LRRD1: variants seen among roughly 807,000 people sequenced by gnomAD.
LRRD1 encodes the protein leucine rich repeats and death domain containing 1.
A neutral mutation model predicts 69.5 loss-of-function variants in LRRD1; 49 were observed. The observed-to-expected ratio is 0.70, with a 90% CI of 0.56 to 0.89. The LOEUF (loss-of-function observed/expected upper bound fraction) is 0.89. Among genes scored for constraint, LRRD1 ranks in the 40% least tolerant of loss-of-function variants. LRRD1 has a pLI of 0.00. For synonymous variants in LRRD1, 303 were observed against 338.9 expected, an observed-to-expected ratio of 0.89 and a Z score of 1.16; for missense variants, 853 against 956.0, an observed-to-expected ratio of 0.89 and a Z score of 1.42.
chr7:92,162,916 T>C (rs1788820660), intron 2 of LRRD1, among the ~76,000 whole-genome samples: 1 of 152,152 alleles, frequency 6.6e-6, no homozygotes, highest in Non-Finnish European at 1.5e-5. Flanking sequence ...TATAATACAA[T>C]GATATGCTTG....
At chr7:92,156,579 A>G (rs973258008) in intron 3 of LRRD1, among the ~76,000 whole-genome samples, 6 of 152,230 alleles carry the variant, frequency 3.9e-5, no homozygotes, top group Non-Finnish European at 8.8e-5. Context: ...AAAGAAATCA[A>G]TTTCCAATCA....
Position 92,159,200 on chromosome 7 carries a change from T to C in LRRD1, c.1921A>G (p.Thr641Ala). The change falls in exon 3 of 6, where the codon ACA (threonine) becomes GCA (alanine). Residue 641 changes from threonine to alanine, a missense_variant. Transcript: ENST00000458448. ...TTAGATAGCTCTCCTGGAAGTCTTGTTAGCTGTAACAAAGATTACACAATT... is the reference window on the plus strand; with the variant it reads ...TTAGATAGCTCTCCTGGAAGTCTTGCTAGCTGTAACAAAGATTACACAATT... The part of the protein sequence containing the change: ...NISQIKGRKL[T>A]RLPGELSNMT... The C allele has an allele frequency of 1.3e-6, 2 of 1,488,020 alleles. No individual in the cohort carries two copies. Among genetic ancestry groups the C allele is most frequent in the Non-Finnish European group, 1.8e-6 (2 of 1,120,872 alleles). The allele number at this position is 1,488,020 out of a possible 1,614,324, so 92.2% of individuals were successfully genotyped here. A position where few individuals can be genotyped will look rare whatever the true frequency, so the allele number is the denominator to read the frequency against.
intron 4 of LRRD1, among the ~76,000 whole-genome samples, chr7:92,150,315 A>G (rs1820434233): frequency 6.6e-6 from 1 of 152,126 alleles, no homozygotes; most frequent in Non-Finnish European, 1.5e-5. Flanking sequence ...AGATTAAAAA[A>G]TTAGCCAGGT....
Position 92,160,754 on chromosome 7 carries a change from A to C in LRRD1, c.1918-1551T>G, listed in dbSNP as rs536550470. ...CTTGAACCTGGGAGGCAGAGGTTGCAGTGAGCTGAGATCGCACCACTGTCC... is the reference window on the plus strand; with the variant it reads ...CTTGAACCTGGGAGGCAGAGGTTGCCGTGAGCTGAGATCGCACCACTGTCC... On this transcript the variant is annotated intron_variant, in intron 2 of 5. Coordinates refer to ENST00000458448, the MANE Select transcript of LRRD1 (RefSeq NM_001161528.2). Among the ~76,000 whole-genome samples the C allele has an allele frequency of 2.0e-5, 3 of 152,348 alleles. No homozygotes were observed. In the East Asian group the frequency reaches 5.8e-4, roughly 29 times the overall value.
intron 2 of LRRD1, among the ~76,000 whole-genome samples, chr7:92,161,650 G>T (rs1295827882): frequency 6.6e-6 from 1 of 152,160 alleles, no homozygotes; most frequent in Non-Finnish European, 1.5e-5. Flanking sequence ...TACAATTTTG[G>T]TGTAAGATGA....
chr7:92,151,707 G>C (rs936336169), intron 3 of LRRD1, among the ~76,000 whole-genome samples: 2 of 152,068 alleles, frequency 1.3e-5, no homozygotes, highest in Non-Finnish European at 2.9e-5. Flanking sequence ...CCAGCACTTT[G>C]GGAGGCCGAG....
At chr7:92,143,840 C>G (rs1033816064), downstream of LRRD1, among the ~76,000 whole-genome samples, 1 of 152,218 alleles carries the variant, frequency 6.6e-6, no homozygotes, top group Non-Finnish European at 1.5e-5. Flanking sequence ...GAGGAGGCGC[C>G]GAGAGCGAGC....
At chr7:92,159,309 G>C (rs891019198) in intron 2 of LRRD1, 106 bp from the exon 3 acceptor site, 7 of 816,346 alleles carry the variant, frequency 8.6e-6, no homozygotes, top group Non-Finnish European at 1.2e-5. Flanking sequence ...TTTTGTTTTT[G>C]TCTTAAAAAG....
Position 92,163,727 on chromosome 7 carries a change from C to G in LRRD1, c.1476G>C (p.Leu492Phe), listed in dbSNP as rs1193807639. Residue 492 changes from leucine (L) to phenylalanine (F), a missense_variant, in exon 2 of 6, where the codon TTG (leucine) becomes TTC (phenylalanine). By Grantham distance (22) the Leu-to-Phe change is conservative (BLOSUM62 0). Transcript: ENST00000458448. ...GLCALDSLYY[L>F]SVNGNYISEI... ...CTGAAATATAATTTCCATTAACACT[C>G]AAATAATAAAGAGAATCTAAAGCAC... 1 of 1,507,256 alleles carries G rather than the reference C, an allele frequency of 6.6e-7. No individual in the cohort carries two copies. The highest frequency in any genetic ancestry group is 8.8e-7 in the Non-Finnish European group (1 of 1,130,038). 93.4% of individuals were successfully genotyped at this position (1,507,256 alleles called of 1,614,324 possible).
In LRRD1 at chr7:92,164,478, TA is replaced by T; in HGVS notation, c.724del (p.Tyr242IlefsTer12). On this transcript the variant is annotated frameshift_variant, in exon 2 of 6. Transcript: ENST00000458448. LOFTEE classifies it high-confidence loss of function. ...AGGAAAATTTTCAATGTAATTGTTA[TA>T]AAAAAAGAGTTGTCTGATATTCCCA... ...QLGNIRQLFF[Y>X]NNYIENFPSD... 1 of 1,549,916 alleles carries T rather than the reference TA, an allele frequency of 6.5e-7. No individual in the cohort carries two copies. The highest frequency in any genetic ancestry group is 8.7e-7 in the Non-Finnish European group (1 of 1,146,184).
intron 1 of LRRD1, among the ~76,000 whole-genome samples, chr7:92,178,233 A>C (rs976447828): frequency 5.5e-4 from 84 of 152,172 alleles, no homozygotes; most frequent in African/African-American, 2.0e-3. Flanking sequence ...GAATCGCTTG[A>C]ACCCGGGCGG....
In LRRD1 at chr7:92,163,333, G is replaced by C. The variant is rs1313388137; in HGVS notation, c.1870C>G (p.Leu624Val). Residue 624 changes from leucine (L) to valine (V), a missense_variant, in exon 2 of 6, where the codon CTT (leucine) becomes GTT (valine). Transcript: ENST00000458448. ...ATATTCAGCTGTTCCAGTGATTGAA[G>C]TTGGCACAGTTCAATAGGAAAATGT... ...FIHFPIELCQLQSLEQLNISQ... is the reference protein window; with the variant it reads ...FIHFPIELCQVQSLEQLNISQ... 6.6e-7 allele frequency: 1 copy of C among 1,526,566 alleles called. No homozygotes were observed. The highest frequency in any genetic ancestry group is 2.5e-5 in the East Asian group (1 of 40,798). 94.6% of individuals were successfully genotyped at this position (1,526,566 alleles called of 1,614,324 possible).
intron 4 of LRRD1, among the ~76,000 whole-genome samples, chr7:92,147,592 A>G (rs1462659252): frequency 6.6e-6 from 1 of 152,182 alleles, no homozygotes; most frequent in African/African-American, 2.4e-5. Context: ...TACTATAAAT[A>G]TGGTGTATAA....
chr7:92,142,770 G>A (rs1394333588), downstream of LRRD1: 2 of 444,504 alleles, frequency 4.5e-6, no homozygotes, highest in African/African-American at 4.1e-5. Flanking sequence ...CGCGTCTGGA[G>A]TTGTTCCTTT....
chr7:92,144,675 C>G (rs1820270523), downstream of LRRD1, among the ~76,000 whole-genome samples: 1 of 148,784 alleles, frequency 6.7e-6, no homozygotes, highest in African/African-American at 2.5e-5. Flanking sequence ...TGCAACATCA[C>G]TATAATAAGA....
At chr7:92,161,954 G>A (rs1788802896) in intron 2 of LRRD1, among the ~76,000 whole-genome samples, 1 of 152,102 alleles carries the variant, frequency 6.6e-6, no homozygotes. Context: ...TGGTGGGAAA[G>A]GAGTTAATAA....
At position 92,164,040 on chromosome 7, in the gene LRRD1, G is replaced by A; in HGVS notation, c.1163C>T (p.Pro388Leu). The A allele has an allele frequency of 7.8e-6, 12 of 1,539,850 alleles. No homozygotes were observed. Among genetic ancestry groups the A allele is most frequent in the Non-Finnish European group, 8.7e-6 (10 of 1,142,858 alleles). Residue 388 changes from proline to leucine, a missense_variant, in exon 2 of 6, where the codon CCA (proline) becomes CTA (leucine). Physicochemically the swap from Pro to Leu is moderately conservative, Grantham distance 98. Transcript: ENST00000458448. ...CATTGCACAGCAAGATATTTTCTCTGGTATATTTTTCAATAAATTTTTATC... is the reference window on the plus strand; with the variant it reads ...CATTGCACAGCAAGATATTTTCTCTAGTATATTTTTCAATAAATTTTTATC... ...ILDKNLLKNI[P>L]EKISCCAMLE...
intron 1 of LRRD1, among the ~76,000 whole-genome samples, chr7:92,178,526 C>T (rs962823805): frequency 6.6e-6 from 1 of 151,722 alleles, no homozygotes; most frequent in Non-Finnish European, 1.5e-5. Context: ...CAAAATTAGC[C>T]GGTCGTGGCG....
At chr7:92,169,606 C>T (rs942331171) in intron 1 of LRRD1, among the ~76,000 whole-genome samples, 1 of 151,840 alleles carries the variant, frequency 6.6e-6, no homozygotes, top group Non-Finnish European at 1.5e-5. Flanking sequence ...GCTGAGGTTA[C>T]ACCACTGCAC....
Sources: gnomAD v4.1 joint callset for allele counts (sites outside exome capture counted in the v4.1 genomes callset) on GRCh38, gnomAD v4.1.1 for gene constraint, MANE v1.5 for transcripts, NCBI Gene and HGNC (gene_info 2026-07-23, HGNC 2026-07-21) for gene names.